The following CPNE4 variants were observed in gnomAD, a reference collection of about 807,000 sequenced individuals.
CPNE4 encodes copine 4, also known as copine-4.
A neutral mutation model predicts 67.9 loss-of-function variants in CPNE4; 25 were observed. The ratio of observed to expected loss-of-function variants is 0.37; its 90% CI spans 0.27 to 0.51. The LOEUF (loss-of-function observed/expected upper bound fraction) is 0.51, where lower values mean the gene tolerates loss of function less well. Among genes scored for constraint, CPNE4 ranks in the 20% least tolerant of loss-of-function variants. The pLI is 0.93. For synonymous variants in CPNE4, 242 were observed against 244.9 expected, an observed-to-expected ratio of 0.99 and a Z score of 0.11; for missense variants, 464 against 690.8, an observed-to-expected ratio of 0.67 and a Z score of 3.68.
At chr3:131,948,475 G>T (rs1583495959) in intron 1 of CPNE4, among the ~76,000 whole-genome samples, 1 of 152,200 alleles carries the variant, frequency 6.6e-6, no homozygotes, top group South Asian at 2.1e-4. Context: ...AAACTACCCA[G>T]TCTCAGGTAT....
intron 7 of CPNE4, among the ~76,000 whole-genome samples, chr3:131,620,198 G>A (rs752720914): frequency 6.6e-6 from 1 of 152,108 alleles, no homozygotes; most frequent in Admixed American, 6.6e-5. Flanking sequence ...AATGTAAAAG[G>A]TTTCTGGGAG....
chr3:132,038,261 A>T (rs999974114), upstream of CPNE4, among the ~76,000 whole-genome samples: 7 of 152,262 alleles, frequency 4.6e-5, no homozygotes, highest in Admixed American at 2.0e-4. Context: ...CACTTTTTCT[A>T]AGATGCTAAG....
intron 11 of CPNE4, among the ~76,000 whole-genome samples, chr3:131,559,347 A>G (rs1316470819): frequency 6.6e-6 from 1 of 152,008 alleles, no homozygotes; most frequent in Non-Finnish European, 1.5e-5. Flanking sequence ...AGAGCAAAAA[A>G]CTGAGTTAGA....
At chr3:131,688,340 G>A (rs2080945708) in intron 5 of CPNE4, among the ~76,000 whole-genome samples, 1 of 152,072 alleles carries the variant, frequency 6.6e-6, no homozygotes. Context: ...CAAAATGGTG[G>A]CTTTCATCAT....
chr3:132,015,062 C>T (rs2073858745), intron 1 of CPNE4, among the ~76,000 whole-genome samples: 2 of 152,114 alleles, frequency 1.3e-5, no homozygotes, highest in South Asian at 4.1e-4. Context: ...GCATTCTTTG[C>T]CTAACATATT....
chr3:131,768,314 G>A (rs1877589), intron 2 of CPNE4, among the ~76,000 whole-genome samples: 71,371 of 151,798 alleles, frequency 0.47, 17,104 homozygotes, highest in East Asian at 0.57. Flanking sequence ...CAGACCACTC[G>A]ACAAGCTAAA....
At chr3:131,928,648 AAACAG>A (rs1473859917) in intron 1 of CPNE4, among the ~76,000 whole-genome samples, 10 of 152,332 alleles carry the variant, frequency 6.6e-5, no homozygotes, top group South Asian at 2.1e-4. Context: ...CACCACAAGG[AAACAG>A]AACTGTGTCC....
chr3:131,620,561 T>C, intron 7 of CPNE4: 1 of 618,076 alleles, frequency 1.6e-6, no homozygotes, highest in Non-Finnish European at 2.0e-6. Context: ...CCTGTGGATA[T>C]GTTACTTTAA....
At chr3:131,568,129 TA>T (rs1937153597) in intron 10 of CPNE4, among the ~76,000 whole-genome samples, 1 of 151,958 alleles carries the variant, frequency 6.6e-6, no homozygotes, top group African/African-American at 2.4e-5. Flanking sequence ...CATGGTTTAA[TA>T]AAAAAATTTT....
chr3:131,982,045 G>A (rs534410855), intron 1 of CPNE4, among the ~76,000 whole-genome samples: 4 of 152,198 alleles, frequency 2.6e-5, no homozygotes, highest in Middle Eastern at 6.8e-3. Flanking sequence ...ATGAGCCCCC[G>A]CACACTGCTC....
intron 7 of CPNE4, among the ~76,000 whole-genome samples, chr3:131,609,905 C>G (rs1939734725): frequency 6.6e-6 from 1 of 152,116 alleles, no homozygotes; most frequent in Non-Finnish European, 1.5e-5. Context: ...AGAGCCCCTA[C>G]TGGACTGTTA....
intron 1 of CPNE4, among the ~76,000 whole-genome samples, chr3:132,010,285 C>T (rs1370878102): frequency 6.6e-6 from 1 of 151,220 alleles, no homozygotes; most frequent in Non-Finnish European, 1.5e-5. Context: ...TTAGCACCCT[C>T]TCTACACACA....
intron 2 of CPNE4, among the ~76,000 whole-genome samples, chr3:131,736,430 G>T (rs1306891784): frequency 1.3e-5 from 2 of 151,816 alleles, no homozygotes; most frequent in Non-Finnish European, 2.9e-5. Flanking sequence ...GACCATGCTG[G>T]CCAGCATGGT....
chr3:131,597,806 T>C (rs1294504773), intron 7 of CPNE4, among the ~76,000 whole-genome samples: 5 of 152,338 alleles, frequency 3.3e-5, no homozygotes, highest in East Asian at 3.9e-4. Flanking sequence ...GCTAATTACA[T>C]GGTAATCACT....
chr3:131,916,126 G>A (rs1443425309), intron 1 of CPNE4, among the ~76,000 whole-genome samples: 1 of 152,114 alleles, frequency 6.6e-6, no homozygotes, highest in African/African-American at 2.4e-5. Flanking sequence ...CTGAACGAGA[G>A]AGAAAAAGCA....
chr3:131,926,943 G>T lies in CPNE4; in HGVS notation c.-1-21499C>A, dbSNP rs529554333. On this transcript the variant is annotated intron_variant, in intron 1 of 15. Transcript: ENST00000429747. ...TCTGAGGATGGGGTAATAAGAGAGG[G>T]GTACAGAATTGAGTTATAGAATTAG... Among the ~76,000 whole-genome samples the T allele has an allele frequency of 9.2e-5, 14 of 152,122 alleles. No individual in the cohort carries two copies. The Middle Eastern group carries it at 0.01, about 111-fold the overall frequency.
chr3:131,860,957 C>T, intron 2 of CPNE4, among the ~76,000 whole-genome samples: 1 of 152,238 alleles, frequency 6.6e-6, no homozygotes, highest in African/African-American at 2.4e-5. Flanking sequence ...AAGCAGTATC[C>T]CATGTCTAGT....
chr3:131,878,569 T>C (rs545672825), intron 2 of CPNE4, among the ~76,000 whole-genome samples: 135 of 152,326 alleles, frequency 8.9e-4, no homozygotes, highest in African/African-American at 3.2e-3. Flanking sequence ...GTTCATTTTC[T>C]GGAAATTTAT....
intron 2 of CPNE4, among the ~76,000 whole-genome samples, chr3:131,849,929 T>C (rs1583321706): frequency 6.6e-6 from 1 of 152,110 alleles, no homozygotes; most frequent in African/African-American, 2.4e-5. Flanking sequence ...CAATGGCAAA[T>C]TGACACAGTA....
Sources: gnomAD v4.1 joint callset for allele counts (sites outside exome capture counted in the v4.1 genomes callset) on GRCh38, gnomAD v4.1.1 for gene constraint, MANE v1.5 for transcripts, NCBI Gene and HGNC (gene_info 2026-07-23, HGNC 2026-07-21) for gene names.